Variants in RHBDD1 observed in about 807,000 individuals in gnomAD.
The protein encoded by RHBDD1 is rhomboid-related protein 4.
Under a neutral mutation model 36.3 loss-of-function variants are expected in RHBDD1, and 38 were observed. That is an observed-to-expected ratio of 1.05 (90% CI 0.81 to 1.37). The LOEUF (loss-of-function observed/expected upper bound fraction) is 1.37. Among genes scored for constraint, RHBDD1 ranks in the 40% most tolerant of loss-of-function variants. RHBDD1 has a pLI of 0.00. For missense variants in RHBDD1, 393 were observed against 377.6 expected, an observed-to-expected ratio of 1.04 and a Z score of -0.34; for synonymous variants, 151 against 136.5, an observed-to-expected ratio of 1.11 and a Z score of -0.74.
At chr2:226,821,079 A>G in the RHBDD1 span, among the ~76,000 whole-genome samples, 1 of 152,144 alleles carries the variant, frequency 6.6e-6, no homozygotes, top group Non-Finnish European at 1.5e-5. Flanking sequence ...AATATGAATG[A>G]TGGCAAGGTT....
chr2:226,934,597 G>T (rs1042308711), intron 8 of RHBDD1, among the ~76,000 whole-genome samples: 1 of 152,086 alleles, frequency 6.6e-6, no homozygotes, highest in Non-Finnish European at 1.5e-5. Context: ...TGCCTTTGTA[G>T]AAGAAATATT....
intron 3 of RHBDD1, among the ~76,000 whole-genome samples, chr2:226,847,488 A>G (rs773455146): frequency 6.6e-5 from 10 of 152,238 alleles, no homozygotes; most frequent in Non-Finnish European, 1.5e-4. Context: ...TCTGCTTTAG[A>G]TGACATAAGA....
chr2:226,817,566 T>C, the RHBDD1 span, among the ~76,000 whole-genome samples: 7 of 152,182 alleles, frequency 4.6e-5, no homozygotes, highest in Non-Finnish European at 7.3e-5. Flanking sequence ...AACTATGTAA[T>C]TGAACAACCC....
At chr2:226,982,568 A>G (rs1956012789) in intron 8 of RHBDD1, among the ~76,000 whole-genome samples, 1 of 152,226 alleles carries the variant, frequency 6.6e-6, no homozygotes, top group African/African-American at 2.4e-5. Context: ...TAATGTGGCC[A>G]GAACCCCAGA....
intron 8 of RHBDD1, among the ~76,000 whole-genome samples, chr2:226,941,849 T>C (rs1466360563): frequency 2.6e-5 from 4 of 152,190 alleles, no homozygotes; most frequent in African/African-American, 7.2e-5. Flanking sequence ...TCCTTCCAGG[T>C]TAATGAGTAT....
At chr2:226,832,412 G>C (rs961381007), upstream of RHBDD1, among the ~76,000 whole-genome samples, 3 of 152,072 alleles carry the variant, frequency 2.0e-5, no homozygotes, top group East Asian at 5.8e-4. Context: ...GGCTATCCTG[G>C]AGAGTATACT....
At chr2:226,968,501 A>G (rs1005574179) in intron 8 of RHBDD1, among the ~76,000 whole-genome samples, 1 of 152,196 alleles carries the variant, frequency 6.6e-6, no homozygotes, top group African/African-American at 2.4e-5. Context: ...AATCTCCCTT[A>G]AAGTCAGCTG....
In RHBDD1 at chr2:226,897,723, G is replaced by A. The variant is rs1261235955; in HGVS notation, c.567-9070G>A. ...GTGGTGGCTCATGCCTTTAATCCCAGCGCTTTGGGAGGCCGAGGCGGGTGG... is the reference window on the plus strand; with the variant it reads ...GTGGTGGCTCATGCCTTTAATCCCAACGCTTTGGGAGGCCGAGGCGGGTGG... On this transcript the variant is annotated intron_variant, in intron 5 of 8. Transcript: ENST00000392062. Among the ~76,000 whole-genome samples, 3 of 152,164 alleles carry A rather than the reference G, an allele frequency of 2.0e-5. No individual in the cohort carries two copies. In the East Asian group the frequency reaches 5.8e-4, roughly 29 times the overall value.
chr2:226,938,802 C>A (rs1282409635), intron 8 of RHBDD1, among the ~76,000 whole-genome samples: 1 of 151,854 alleles, frequency 6.6e-6, no homozygotes, highest in Non-Finnish European at 1.5e-5. Flanking sequence ...ATCCTGATAC[C>A]AAAACCTGGC....
chr2:226,994,100 C>G (rs961548565), intron 8 of RHBDD1, among the ~76,000 whole-genome samples: 1 of 152,200 alleles, frequency 6.6e-6, no homozygotes, highest in Non-Finnish European at 1.5e-5. Context: ...GGCACCTTCC[C>G]AGTCTGCCTC....
chr2:226,864,709 A>C lies in RHBDD1; in HGVS notation c.16A>C (p.Arg6=). 6 of 1,613,928 alleles carry C rather than the reference A, an allele frequency of 3.7e-6. No individual in the cohort carries two copies. The highest frequency in any genetic ancestry group is 5.1e-6 in the Non-Finnish European group (6 of 1,179,862). The part of the protein sequence containing the change: MQRRS[R]GINTGLILLL... Reference sequence around the variant, plus strand: ...ATATCTGGCCATGCAACGGAGATCAAGAGGGATAAATACTGGACTTATTCT... The same window carrying C: ...ATATCTGGCCATGCAACGGAGATCACGAGGGATAAATACTGGACTTATTCT... Residue 6 remains arginine (R), a synonymous_variant, in exon 4 of 9, where the codon AGA becomes CGA. Transcript: ENST00000392062.
intron 5 of RHBDD1, among the ~76,000 whole-genome samples, chr2:226,885,055 A>G (rs1946096253): frequency 6.6e-6 from 1 of 152,192 alleles, no homozygotes; most frequent in Non-Finnish European, 1.5e-5. Context: ...AAAATCTATC[A>G]GTGGCTAATA....
At chr2:226,992,066 C>T (rs1958349772) in intron 8 of RHBDD1, among the ~76,000 whole-genome samples, 1 of 152,160 alleles carries the variant, frequency 6.6e-6, no homozygotes, top group South Asian at 2.1e-4. Flanking sequence ...AAAGATAAGA[C>T]CCTTCGAGAA....
At chr2:226,876,157 A>C (rs1574912491) in intron 5 of RHBDD1, among the ~76,000 whole-genome samples, 1 of 152,346 alleles carries the variant, frequency 6.6e-6, no homozygotes, top group African/African-American at 2.4e-5. Context: ...CCATGCTTGT[A>C]GTCAGAATGG....
At chr2:226,963,634 A>T (rs1419140876) in intron 8 of RHBDD1, among the ~76,000 whole-genome samples, 1 of 152,030 alleles carries the variant, frequency 6.6e-6, no homozygotes, top group Admixed American at 6.6e-5. Context: ...AATACCTTCC[A>T]TGCCCTTGCT....
chr2:226,928,774 GAA>G (rs1949831814), intron 8 of RHBDD1, among the ~76,000 whole-genome samples: 1 of 151,942 alleles, frequency 6.6e-6, no homozygotes, highest in African/African-American at 2.4e-5. Context: ...ACCATGAAAA[GAA>G]GAGAGAAGAT....
At chr2:226,875,170 G>A (rs1450755445) in intron 5 of RHBDD1, among the ~76,000 whole-genome samples, 1 of 152,162 alleles carries the variant, frequency 6.6e-6, no homozygotes, top group African/African-American at 2.4e-5. Context: ...CTGACACAAA[G>A]TAGGCAATTA....
intron 8 of RHBDD1, among the ~76,000 whole-genome samples, chr2:226,976,575 C>A (rs896723056): frequency 3.9e-5 from 6 of 152,110 alleles, no homozygotes; most frequent in Admixed American, 6.6e-5. Flanking sequence ...CACACAGTTC[C>A]GTGTGGTGCT....
At chr2:226,933,104 G>C (rs987175153) in intron 8 of RHBDD1, among the ~76,000 whole-genome samples, 5 of 152,020 alleles carry the variant, frequency 3.3e-5, no homozygotes, top group Admixed American at 2.6e-4. Flanking sequence ...GATCTCATGA[G>C]ACCTCACTCA....
Sources: gnomAD v4.1 joint callset for allele counts (sites outside exome capture counted in the v4.1 genomes callset) on GRCh38, gnomAD v4.1.1 for gene constraint, MANE v1.5 for transcripts, NCBI Gene and HGNC (gene_info 2026-07-23, HGNC 2026-07-21) for gene names.